The following GNAO1 variants were observed in gnomAD, a reference collection of about 807,000 sequenced individuals.
GNAO1 encodes guanine nucleotide-binding protein G(o) subunit alpha.
For synonymous variants in GNAO1, 164 were observed against 180.7 expected (o/e 0.91, Z 0.74); for missense variants, 166 against 478.7 (o/e 0.35, Z 6.10).
At chr16:56,221,604 C>T (rs58440272) in intron 2 of GNAO1, among the ~76,000 whole-genome samples, 20,801 of 145,046 alleles carry the variant, frequency 0.14, 1,984 homozygotes, top group African/African-American at 0.27. Context: ...GAGCCGAGAT[C>T]GCGCCACTGC....
At chr16:56,328,029 A>C (rs1338358383) in intron 3 of GNAO1, among the ~76,000 whole-genome samples, 3 of 152,142 alleles carry the variant, frequency 2.0e-5, no homozygotes, top group African/African-American at 4.8e-5. Context: ...CATCTGCACT[A>C]ACTTGGCAAC....
intron 6 of GNAO1, among the ~76,000 whole-genome samples, chr16:56,337,355 G>T (rs2037752197): frequency 6.6e-6 from 1 of 152,220 alleles, no homozygotes; most frequent in African/African-American, 2.4e-5. Context: ...GCGTGGGGTT[G>T]GGGGTGCTGG....
At chr16:56,229,239 C>G (rs1365844222) in intron 2 of GNAO1, among the ~76,000 whole-genome samples, 1 of 152,168 alleles carries the variant, frequency 6.6e-6, no homozygotes, top group East Asian at 1.9e-4. Context: ...CTCACTTACT[C>G]TGTCACCCAG....
rs2443048 is a variant in GNAO1, at chr16:56,191,842, C to T, written c.-394C>T. 972 of 224,030 alleles carry T rather than the reference C, an allele frequency of 4.3e-3. 10 individuals are homozygous for T. Among genetic ancestry groups the T allele is most frequent in the African/African-American group, 0.021 (888 of 42,800 alleles). 13.9% of individuals were successfully genotyped at this position (224,030 alleles called of 1,614,324 possible). On this transcript the variant is annotated 5_prime_UTR_variant, in exon 1 of 9. Coordinates refer to ENST00000262493, the MANE Select transcript of GNAO1 (RefSeq NM_020988.3). The surrounding 1 kb of genome is among the most constrained non-coding windows in gnomAD (Gnocchi z 4.7). ...CGGCAGCAGGACCCACCCTGCCCCC[C>T]ACCCCACCCTCTGTCGGCTCCGGCT...
chr16:56,307,187 C>G (rs1245549864), intron 3 of GNAO1: 1 of 152,222 alleles, frequency 6.6e-6, no homozygotes, highest in Non-Finnish European at 1.5e-5. Context: ...GGGGGCTGCT[C>G]CCTTCCGGGG....
intron 2 of GNAO1, among the ~76,000 whole-genome samples, chr16:56,230,789 G>T (rs1270336702): frequency 6.6e-6 from 1 of 152,186 alleles, no homozygotes; most frequent in Non-Finnish European, 1.5e-5. Flanking sequence ...CCTGGAAACT[G>T]AGTTCAGGCA....
At chr16:56,292,588 G>T (rs2037243163) in intron 3 of GNAO1, among the ~76,000 whole-genome samples, 2 of 152,076 alleles carry the variant, frequency 1.3e-5, no homozygotes, top group East Asian at 1.9e-4. Context: ...TCTCAAACTC[G>T]TGAGCTCAAG....
At chr16:56,203,824 A>G (rs2036301953) in intron 2 of GNAO1, among the ~76,000 whole-genome samples, 1 of 152,186 alleles carries the variant, frequency 6.6e-6, no homozygotes, top group Admixed American at 6.5e-5. Context: ...GGACACCACC[A>G]GGGAGTAGTG....
At chr16:56,320,692 A>G (rs1266190629) in intron 3 of GNAO1, among the ~76,000 whole-genome samples, 1 of 152,132 alleles carries the variant, frequency 6.6e-6, no homozygotes, top group Non-Finnish European at 1.5e-5. Flanking sequence ...AGGTGGGGGC[A>G]TTCTGGGCCC....
At chr16:56,210,921 T>C (rs2036380334) in intron 2 of GNAO1, among the ~76,000 whole-genome samples, 1 of 152,254 alleles carries the variant, frequency 6.6e-6, no homozygotes, top group Admixed American at 6.5e-5. Context: ...TGTATCTGTT[T>C]CTGGTATATA....
intron 2 of GNAO1, among the ~76,000 whole-genome samples, chr16:56,199,742 A>C (rs748542788): frequency 2.6e-5 from 4 of 152,236 alleles, no homozygotes; most frequent in Non-Finnish European, 5.9e-5. Flanking sequence ...AGAGAAACTT[A>C]GAAGCCTGAA....
intron 2 of GNAO1, among the ~76,000 whole-genome samples, chr16:56,201,093 C>T (rs1567435863): frequency 6.6e-6 from 1 of 152,178 alleles, no homozygotes; most frequent in Non-Finnish European, 1.5e-5. Flanking sequence ...TGAAGGAACT[C>T]ATGGTCTGGA....
rs1417130282 is a variant in GNAO1 at position 56,351,033 on chromosome 16, C to T, written c.724-351C>T. On this transcript the variant is annotated intron_variant, in intron 6 of 8. Transcript: ENST00000262493. This position sits in a 1 kb window ranked among gnomAD's most constrained non-coding sequence, Gnocchi z 6.1. Reference sequence around the variant, plus strand: ...CACACATAACAGGTGCATGCACACACACACAGGCACATGCACACAGCCACA... The same window carrying T: ...CACACATAACAGGTGCATGCACACATACACAGGCACATGCACACAGCCACA... Among the ~76,000 whole-genome samples, 3 of 152,150 alleles carry T rather than the reference C, an allele frequency of 2.0e-5. No homozygotes were observed. Among genetic ancestry groups the T allele is most frequent in the African/African-American group, 7.2e-5 (3 of 41,406 alleles).
chr16:56,294,772 A>G (rs1200501416), intron 3 of GNAO1, among the ~76,000 whole-genome samples: 2 of 152,144 alleles, frequency 1.3e-5, no homozygotes, highest in Non-Finnish European at 2.9e-5. Context: ...ACTCACTGAC[A>G]TTTGGATTGC....
At chr16:56,349,897 C>T (rs879810844) in intron 6 of GNAO1, among the ~76,000 whole-genome samples, 6 of 152,208 alleles carry the variant, frequency 3.9e-5, no homozygotes, top group Admixed American at 1.3e-4. Context: ...CGCCATGCTG[C>T]TGTTAGTATC....
rs995061883 is a variant in GNAO1 at position 56,192,088 on chromosome 16, C to A, written c.-148C>A. On this transcript the variant is annotated 5_prime_UTR_variant, in exon 1 of 9. Coordinates refer to ENST00000262493, the MANE Select transcript of GNAO1 (RefSeq NM_020988.3). ...CTGTCTTTTTGGAGGGTTCTGGTTT[C>A]CCGACATTTTTGTTTCCAGCCCAGG... The A allele has an allele frequency of 1.2e-5, 7 of 604,048 alleles. No homozygotes were observed. The highest frequency in any genetic ancestry group is 1.9e-5 in the African/African-American group (1 of 53,876). The allele number at this position is 604,048 out of a possible 1,614,324, so 37.4% of individuals were successfully genotyped here.
intron 2 of GNAO1, among the ~76,000 whole-genome samples, chr16:56,237,628 A>G (rs1344164394): frequency 6.6e-6 from 1 of 152,204 alleles, no homozygotes; most frequent in African/African-American, 2.4e-5. Flanking sequence ...GGAAGCACAG[A>G]TGCCTTGGCG....
chr16:56,221,141 A>G (rs1322235519), intron 2 of GNAO1, among the ~76,000 whole-genome samples: 1 of 152,154 alleles, frequency 6.6e-6, no homozygotes, highest in Non-Finnish European at 1.5e-5. Flanking sequence ...GGATGCTTCA[A>G]GAAGGCCCCA....
chr16:56,218,459 G>A (rs1287020080), intron 2 of GNAO1, among the ~76,000 whole-genome samples: 2 of 152,050 alleles, frequency 1.3e-5, no homozygotes, highest in Non-Finnish European at 2.9e-5. Flanking sequence ...AGAGATTTTC[G>A]GCAGATAAAA....
Sources: allele counts gnomAD v4.1 joint callset (sites outside exome capture counted in the v4.1 genomes callset), GRCh38; gene constraint gnomAD v4.1.1; non-coding constraint Gnocchi (gnomAD v3.1); transcripts MANE v1.5; gene names NCBI Gene and HGNC (gene_info 2026-07-23, HGNC 2026-07-21).